The following HMCN1 variants were observed in gnomAD, a reference collection of about 807,000 sequenced individuals.
HMCN1 encodes hemicentin 1.
A neutral mutation model predicts 625.9 loss-of-function variants in HMCN1; 321 were observed. The ratio of observed to expected loss-of-function variants is 0.51; its 90% CI spans 0.47 to 0.56. HMCN1 has a LOEUF of 0.56. HMCN1 is among the 20% of genes least tolerant of loss of function. The pLI is 0.00. For synonymous variants in HMCN1, 2,425 were observed against 2,417.6 expected (o/e 1.00, Z -0.09); for missense variants, 6,588 against 6,887.3 (o/e 0.96, Z 1.54).
At chr1:185,963,300 C>T (rs1213318262) in intron 12 of HMCN1, among the ~76,000 whole-genome samples, 4 of 152,102 alleles carry the variant, frequency 2.6e-5, no homozygotes, top group Non-Finnish European at 4.4e-5. Context: ...TATTCCTAAA[C>T]GCCTTACAGA....
At chr1:185,821,009 TTATGTACCTGTAATATATATA>T (rs1036609000) in intron 1 of HMCN1, among the ~76,000 whole-genome samples, 2 of 151,950 alleles carry the variant, frequency 1.3e-5, no homozygotes, top group South Asian at 2.1e-4. Context: ...GATGAAAACA[TTATGTACCTGTAATATATATA>T]TATGTACATG....
At chr1:185,872,988 A>C (rs1571481558) in intron 4 of HMCN1, among the ~76,000 whole-genome samples, 1 of 152,316 alleles carries the variant, frequency 6.6e-6, no homozygotes, top group Non-Finnish European at 1.5e-5. Context: ...CAGAAGACCT[A>C]TATCTAAGGA....
chr1:185,903,023 C>T (rs764233558), intron 4 of HMCN1, among the ~76,000 whole-genome samples: 3 of 151,250 alleles, frequency 2.0e-5, no homozygotes, highest in Non-Finnish European at 4.4e-5. Context: ...ACATGAATGA[C>T]AAAAGTTAAT....
chr1:186,095,601 G>T, intron 68 of HMCN1, 80 bp downstream of exon 68: 2 of 1,446,474 alleles, frequency 1.4e-6, no homozygotes, highest in Non-Finnish European at 1.9e-6. Context: ...ATAATTCTGA[G>T]AATCAGTTGC....
intron 36 of HMCN1, among the ~76,000 whole-genome samples, chr1:186,026,216 G>A (rs1215874080): frequency 1.3e-5 from 2 of 152,194 alleles, no homozygotes; most frequent in Non-Finnish European, 2.9e-5. Context: ...CTAAGAGACT[G>A]GTTGATGATA....
rs938394015 is a variant in HMCN1 at position 186,054,047 on chromosome 1, A to G, written c.6862+61A>G. On this transcript the variant is annotated intron_variant, in intron 44 of 106. Coordinates refer to ENST00000271588, the MANE Select transcript of HMCN1 (RefSeq NM_031935.3). ...TCTCTTAAATCTTTTCATCCTTCTC[A>G]TTTACTTTTAAAAATATCTTTAATG... 55 of 1,490,634 alleles carry G rather than the reference A, an allele frequency of 3.7e-5. 1 individual carries two copies. The African/African-American group carries it at 6.6e-4, about 18-fold the overall frequency. 92.3% of individuals were successfully genotyped at this position (1,490,634 alleles called of 1,614,324 possible).
intron 15 of HMCN1, 90 bp from the exon 16 acceptor site, chr1:185,977,692 AAATTC>A: frequency 1.2e-6 from 1 of 844,792 alleles, no homozygotes; most frequent in East Asian, 2.6e-5. Flanking sequence ...ACAATAATTC[AAATTC>A]AATGATTTGA....
At chr1:185,976,494 C>T (rs954947770) in intron 15 of HMCN1, among the ~76,000 whole-genome samples, 1 of 152,118 alleles carries the variant, frequency 6.6e-6, no homozygotes, top group Admixed American at 6.6e-5. Flanking sequence ...AAAGTGATCT[C>T]TGTAGGAATA....
chr1:185,762,400 G>C (rs999102334), intron 1 of HMCN1, among the ~76,000 whole-genome samples: 1 of 152,102 alleles, frequency 6.6e-6, no homozygotes, highest in Non-Finnish European at 1.5e-5. Context: ...CTTGCATTAA[G>C]GTGCTCAAAA....
chr1:185,738,699 CT>C (rs1345112945), intron 1 of HMCN1, among the ~76,000 whole-genome samples: 1 of 152,188 alleles, frequency 6.6e-6, no homozygotes, highest in Non-Finnish European at 1.5e-5. Context: ...GTTCCGATTT[CT>C]TTCCAACCTC....
chr1:186,090,812 G>T lies in HMCN1; in HGVS notation c.9782G>T (p.Gly3261Val). ...CCAAGTGATGTCAGTGTCCTTCTAGGAGAAAATGTTGAGCTGGTCTGCAAT... is the reference window on the plus strand; with the variant it reads ...CCAAGTGATGTCAGTGTCCTTCTAGTAGAAAATGTTGAGCTGGTCTGCAAT... Reference protein sequence around the residue: ...EIPSDVSVLLGENVELVCNAN... With the variant: ...EIPSDVSVLLVENVELVCNAN... Residue 3261 changes from glycine (G) to valine (V), a missense_variant, in exon 64 of 107, where the codon GGA becomes GTA. Gly to Val is a moderately radical substitution (Grantham distance 109). This residue lies in a region of HMCN1 where 4,628 missense variants were observed against 4,853.1 expected (regional missense o/e 0.95). Transcript: ENST00000271588. The T allele has an allele frequency of 6.2e-7, 1 of 1,612,612 alleles. No homozygotes were observed. Among genetic ancestry groups the T allele is most frequent in the Non-Finnish European group, 8.5e-7 (1 of 1,179,074 alleles).
chr1:185,886,763 C>A (rs1165530578), intron 4 of HMCN1, among the ~76,000 whole-genome samples: 1 of 152,076 alleles, frequency 6.6e-6, no homozygotes, highest in Non-Finnish European at 1.5e-5. Flanking sequence ...TTTTTCTTGA[C>A]TTCTACTTTT....
intron 1 of HMCN1, among the ~76,000 whole-genome samples, chr1:185,836,856 C>G (rs907477291): frequency 1.3e-5 from 2 of 151,980 alleles, no homozygotes; most frequent in African/African-American, 4.8e-5. Flanking sequence ...TGTTTAGCTC[C>G]CACTTGTAAG....
intron 8 of HMCN1, among the ~76,000 whole-genome samples, chr1:185,924,213 A>ATGT (rs1558068693): frequency 1.3e-5 from 1 of 77,624 alleles, no homozygotes; most frequent in Non-Finnish European, 2.6e-5. Context: ...CTCTGACCCA[A>ATGT]TCTTTTTTTT....
intron 1 of HMCN1, among the ~76,000 whole-genome samples, chr1:185,742,334 A>T (rs917799183): frequency 6.6e-6 from 1 of 152,202 alleles, no homozygotes; most frequent in African/African-American, 2.4e-5. Context: ...TGTATATAAA[A>T]GTTTTCATTT....
Position 186,028,195 on chromosome 1 carries a change from G to T in HMCN1, c.5749+5042G>T, listed in dbSNP as rs181168398. The stretch of plus-strand genomic sequence containing the variant: ...ATAGGCAAAATCTAGCACACAATGT[G>T]TCAAGAAGAAGGTATTCTGGTTTTG... On this transcript the variant is annotated intron_variant, in intron 36 of 106. Transcript: ENST00000271588. Among the ~76,000 whole-genome samples, 136 of 152,258 alleles carry T rather than the reference G, an allele frequency of 8.9e-4. 1 individual carries two copies. The highest frequency in any genetic ancestry group is 1.9e-3 in the East Asian group (10 of 5,180).
At chr1:185,745,264 T>G (rs1654310634) in intron 1 of HMCN1, among the ~76,000 whole-genome samples, 2 of 152,102 alleles carry the variant, frequency 1.3e-5, no homozygotes, top group South Asian at 4.2e-4. Context: ...GAAACAGACT[T>G]AAGCAGTGTA....
At position 185,989,337 on chromosome 1, in the gene HMCN1, CTT is replaced by C. The variant is rs35348784; in HGVS notation, c.3049-146_3049-145del. The stretch of plus-strand genomic sequence containing the variant: ...TTTGTCTAATTTTTCTCATAAATAA[CTT>C]TTTTCAAGTTAGCATTTTAAAATTT... On this transcript the variant is annotated intron_variant, in intron 20 of 106. Coordinates refer to ENST00000271588, the MANE Select transcript of HMCN1 (RefSeq NM_031935.3). The C allele has an allele frequency of 2.5e-5, 23 of 918,854 alleles. No homozygotes were observed. In the African/African-American group the frequency reaches 3.9e-4, roughly 15 times the overall value. 56.9% of individuals were successfully genotyped at this position (918,854 alleles called of 1,614,324 possible).
At chr1:185,843,223 C>A (rs1329009932) in intron 1 of HMCN1, among the ~76,000 whole-genome samples, 1 of 152,056 alleles carries the variant, frequency 6.6e-6, no homozygotes, top group African/African-American at 2.4e-5. Flanking sequence ...TCTGTTATAA[C>A]AATGTTATCA....
Sources: allele counts gnomAD v4.1 joint callset (sites outside exome capture counted in the v4.1 genomes callset), GRCh38; gene constraint gnomAD v4.1.1; regional missense constraint gnomAD v4.1.1; transcripts MANE v1.5; gene names NCBI Gene and HGNC (gene_info 2026-07-23, HGNC 2026-07-21).